The following ANTXRL variants were observed in gnomAD, a reference collection of about 807,000 sequenced individuals.
ANTXRL encodes the protein ANTXR like, also known as anthrax toxin receptor-like.
In ANTXRL, 63 loss-of-function variants were observed where a neutral mutation model predicts 75.4. That is an observed-to-expected ratio of 0.84 (90% CI 0.68 to 1.03). ANTXRL has a LOEUF of 1.03. ANTXRL is among the 50% of genes least tolerant of loss of function. ANTXRL has a pLI of 0.00. For missense variants in ANTXRL, 797 were observed against 789.4 expected (o/e 1.01, Z -0.12); for synonymous variants, 335 against 291.3 (o/e 1.15, Z -1.53).
intron 16 of ANTXRL, among the ~76,000 whole-genome samples, chr10:46,325,050 A>G (rs1839149324): frequency 6.6e-6 from 1 of 152,110 alleles, no homozygotes. Flanking sequence ...AGTAGGGTTT[A>G]TGCTGGATAA....
At chr10:46,297,744 T>A (rs1457463240) in intron 7 of ANTXRL, 87 bp from the exon 8 acceptor site, 3 of 1,206,100 alleles carry the variant, frequency 2.5e-6, no homozygotes, top group Non-Finnish European at 3.5e-6. Context: ...CCCCAAAGCA[T>A]GAGGGCAAGA....
In ANTXRL at chr10:46,306,852, A is replaced by C; in HGVS notation, c.945A>C (p.Pro315=). Residue 315 remains proline (P), a synonymous_variant, in exon 11 of 17, where the codon CCA becomes CCC. Coordinates refer to ENST00000620264, the MANE Select transcript of ANTXRL (RefSeq NM_001278688.3). ...IDNNSMNCPG[P]KLEKPGEEYS... is the part of the protein sequence containing the mutation. ...ATAATTCCATGAATTGCCCTGGGCC[A>C]AAACTAGAAAAACCTGGAGAGTAAG... 3.9e-6 allele frequency: 6 copies of C among 1,530,274 alleles called. No individual in the cohort carries two copies. The highest frequency in any genetic ancestry group is 5.2e-6 in the Non-Finnish European group (6 of 1,144,566). 94.8% of individuals were successfully genotyped at this position (1,530,274 alleles called of 1,614,324 possible).
At chr10:46,289,119 T>G (rs533740401) in intron 1 of ANTXRL, among the ~76,000 whole-genome samples, 1 of 152,158 alleles carries the variant, frequency 6.6e-6, no homozygotes, top group Non-Finnish European at 1.5e-5. Flanking sequence ...CAACATCTAC[T>G]GCCTGCAGGC....
In ANTXRL at chr10:46,317,486, G is replaced by C. The variant is rs369919446; in HGVS notation, c.1410+4170G>C. Among the ~76,000 whole-genome samples the C allele has an allele frequency of 7.2e-5, 11 of 152,264 alleles. 1 individual carries two copies. The East Asian group carries it at 9.6e-4, about 13-fold the overall frequency. On this transcript the variant is annotated intron_variant, in intron 16 of 16. Transcript: ENST00000620264. ...GCCTTAGGATGCATTCATGACCATGGAGCTCCTGAGTTCTCCTCCTGGCCA... is the reference window on the plus strand; with the variant it reads ...GCCTTAGGATGCATTCATGACCATGCAGCTCCTGAGTTCTCCTCCTGGCCA...
chr10:46,310,314 G>C (rs73291028), intron 13 of ANTXRL, 147 bp from the exon 14 acceptor site: 140,110 of 765,852 alleles, frequency 0.18, 10,410 homozygotes, highest in Non-Finnish European at 0.19. Flanking sequence ...CCGGGTACAA[G>C]TTCACAGGCT....
intron 16 of ANTXRL, among the ~76,000 whole-genome samples, chr10:46,317,264 A>G (rs1360848524): frequency 6.6e-6 from 1 of 152,134 alleles, no homozygotes; most frequent in Non-Finnish European, 1.5e-5. Flanking sequence ...TTTCTTGTAC[A>G]CTGTTTCACT....
chr10:46,290,257 T>A (rs1836929732), intron 1 of ANTXRL, among the ~76,000 whole-genome samples: 1 of 151,926 alleles, frequency 6.6e-6, no homozygotes, highest in African/African-American at 2.4e-5. Flanking sequence ...TTGGACAGGT[T>A]GGTCTTGAAC....
At chr10:46,300,991 C>T (rs1422573060) in intron 9 of ANTXRL, among the ~76,000 whole-genome samples, 1 of 150,164 alleles carries the variant, frequency 6.7e-6, no homozygotes, top group African/African-American at 2.5e-5. Context: ...TCTCCCACCC[C>T]CCCTCTCTCT....
At chr10:46,317,009 T>G (rs1258671376) in intron 16 of ANTXRL, among the ~76,000 whole-genome samples, 17 of 152,178 alleles carry the variant, frequency 1.1e-4, no homozygotes, top group African/African-American at 4.1e-4. Context: ...GTTCCCACCT[T>G]GCACCCTGAG....
intron 2 of ANTXRL, among the ~76,000 whole-genome samples, chr10:46,293,521 GCCTC>G (rs1565015778): frequency 2.1e-5 from 1 of 48,732 alleles, no homozygotes; most frequent in African/African-American, 6.5e-5. Flanking sequence ...GTGTGTGTGT[GCCTC>G]TGTGTGTGCA....
At position 46,329,971 on chromosome 10, in the gene ANTXRL, C is replaced by A; in HGVS notation, c.1783C>A (p.Pro595Thr). Reference protein sequence around the residue: ...PLTCSSRCRLPPARCLRPPSR... With the variant: ...PLTCSSRCRLTPARCLRPPSR... ...CACCTGCTCCTCCAGGTGCCGCCTC[C>A]CCCCAGCTAGGTGCTTGAGGCCTCC... Residue 595 changes from proline to threonine, a missense_variant, in exon 17 of 17, where the codon CCC becomes ACC. Physicochemically the swap from Pro to Thr is conservative, Grantham distance 38 (BLOSUM62 -1). This residue lies in a region of ANTXRL where 479 missense variants were observed against 422.0 expected (regional missense o/e 1.14). Transcript: ENST00000620264. 5.2e-6 allele frequency: 8 copies of A among 1,535,778 alleles called. No individual in the cohort carries two copies. Among genetic ancestry groups the A allele is most frequent in the Non-Finnish European group, 7.0e-6 (8 of 1,146,716 alleles).
At chr10:46,297,107 C>T (rs1260208236) in intron 5 of ANTXRL, 145 bp from the exon 6 acceptor site, 3 of 678,118 alleles carry the variant, frequency 4.4e-6, no homozygotes, top group African/African-American at 3.6e-5. Context: ...TTGGCAGCCT[C>T]TCCTCTGGAG....
chr10:46,320,618 G>A (rs1253863774), intron 16 of ANTXRL, among the ~76,000 whole-genome samples: 1 of 152,120 alleles, frequency 6.6e-6, no homozygotes, highest in African/African-American at 2.4e-5. Context: ...TGTAATTCCA[G>A]CTTCTTGGGA....
In ANTXRL at chr10:46,293,754, T is replaced by A. The variant is rs1837198406; in HGVS notation, c.321-75T>A. ...AAAGCGGAAGAGTTGGGGTGGGAGG[T>A]GGGGAATTGGCCTCACCACCTTGGC... is the stretch of plus-strand genomic sequence containing the variant. On this transcript the variant is annotated intron_variant, in intron 2 of 16. Coordinates refer to ENST00000620264, the MANE Select transcript of ANTXRL (RefSeq NM_001278688.3). 1.1e-5 allele frequency: 14 copies of A among 1,230,060 alleles called. No homozygotes were observed. The South Asian group carries it at 1.9e-4, about 16-fold the overall frequency. The allele number at this position is 1,230,060 out of a possible 1,614,324, so 76.2% of individuals were successfully genotyped here. A position where few individuals can be genotyped will look rare whatever the true frequency, so the allele number is the denominator to read the frequency against.
At chr10:46,305,309 C>G (rs1838006960) in intron 10 of ANTXRL, among the ~76,000 whole-genome samples, 2 of 152,144 alleles carry the variant, frequency 1.3e-5, no homozygotes, top group African/African-American at 4.8e-5. Context: ...CAATTTTTGA[C>G]AACTGAAATA....
chr10:46,296,891 TC>T (rs1364282540), intron 5 of ANTXRL, among the ~76,000 whole-genome samples: 9 of 152,154 alleles, frequency 5.9e-5, no homozygotes, highest in African/African-American at 2.2e-4. Flanking sequence ...CAGCAGCTCC[TC>T]CCTCTGCCCG....
At position 46,313,219 on chromosome 10, in the gene ANTXRL, G is replaced by A; in HGVS notation, c.1330-17G>A. 1 of 1,535,184 alleles carries A rather than the reference G, an allele frequency of 6.5e-7. No homozygotes were observed. Among genetic ancestry groups the A allele is most frequent in the Non-Finnish European group, 8.7e-7 (1 of 1,146,146 alleles). ...GTCCAAGCTGCATGTCTTCCTCATG[G>A]CCACGTTGCTTTTCAGGGCAATCTG... On this transcript the variant is annotated splice_polypyrimidine_tract_variant and intron_variant, in intron 15 of 16. Coordinates refer to ENST00000620264, the MANE Select transcript of ANTXRL (RefSeq NM_001278688.3).
chr10:46,326,965 T>G (rs1480619294), intron 16 of ANTXRL, among the ~76,000 whole-genome samples: 1 of 152,070 alleles, frequency 6.6e-6, no homozygotes, highest in Non-Finnish European at 1.5e-5. Context: ...AACTCTGTGC[T>G]GCAAGGAGAG....
At position 46,329,946 on chromosome 10, in the gene ANTXRL, C is replaced by A. The variant is rs1233836161; in HGVS notation, c.1758C>A (p.Leu586=). Residue 586 remains leucine (L), a synonymous_variant, in exon 17 of 17, where the codon CTC becomes CTA. Transcript: ENST00000620264. ...CLQPSRECLP[L]TCSSRCRLPP... ...AACCCAGCCGGGAGTGCCTCCCCCTCACCTGCTCCTCCAGGTGCCGCCTCC... is the reference window on the plus strand; with the variant it reads ...AACCCAGCCGGGAGTGCCTCCCCCTAACCTGCTCCTCCAGGTGCCGCCTCC... The A allele has an allele frequency of 2.0e-6, 3 of 1,535,872 alleles. No homozygotes were observed. The highest frequency in any genetic ancestry group is 1.7e-4 in the Middle Eastern group (1 of 5,982).
Sources: gnomAD v4.1 joint callset for allele counts (sites outside exome capture counted in the v4.1 genomes callset) on GRCh38, gnomAD v4.1.1 for gene constraint, gnomAD v4.1.1 regional missense constraint, MANE v1.5 for transcripts, NCBI Gene and HGNC (gene_info 2026-07-23, HGNC 2026-07-21) for gene names.